OTP: variants seen among roughly 807,000 people sequenced by gnomAD.
OTP encodes the protein homeobox protein orthopedia.
OTP carries 5 observed loss-of-function variants against 22.3 expected under a neutral mutation model. The observed-to-expected ratio is 0.22, with a 90% CI of 0.12 to 0.47. The LOEUF is 0.47. OTP is among the 20% of genes least tolerant of loss of function. The pLI is 0.99. For missense variants in OTP, 428 were observed against 456.2 expected (o/e 0.94, Z 0.56); for synonymous variants, 229 against 210.6 (o/e 1.09, Z -0.76).
chr5:77,631,686 T>C lies in OTP; in HGVS notation c.448-892A>G, dbSNP rs552986597. Among the ~76,000 whole-genome samples the C allele has an allele frequency of 8.2e-4, 120 of 145,910 alleles. 1 individual carries two copies. The highest frequency in any genetic ancestry group is 1.4e-3 in the Non-Finnish European group (95 of 67,014). Reference sequence around the variant, plus strand: ...CTGAAGCAATTCTCCTGCCTCAGCCTCCCGAGTAGCTAGGATTACAGAAAC... The same window carrying C: ...CTGAAGCAATTCTCCTGCCTCAGCCCCCCGAGTAGCTAGGATTACAGAAAC... On this transcript the variant is annotated intron_variant, in intron 2 of 2. Coordinates refer to ENST00000306422, the MANE Select transcript of OTP (RefSeq NM_032109.3).
At position 77,630,588 on chromosome 5, in the gene OTP, T is replaced by C. The variant is rs779198369; in HGVS notation, c.654A>G (p.Ser218=). 20 of 1,561,802 alleles carry C rather than the reference T, an allele frequency of 1.3e-5. No individual in the cohort carries two copies. The African/African-American group carries it at 2.2e-4, about 17-fold the overall frequency. Reference sequence around the variant, plus strand: ...CCAGCGCCGGCGGCAGAGGCAGCTGTGACACGCCAGGCATGGCGGCCGCCG... The same window carrying C: ...CCAGCGCCGGCGGCAGAGGCAGCTGCGACACGCCAGGCATGGCGGCCGCCG... The part of the protein sequence containing the change: ...RWAAAAMPGV[S]QLPLPPALGR... Residue 218 remains serine, a synonymous_variant, in exon 3 of 3, where the codon TCA becomes TCG. Coordinates refer to ENST00000306422, the MANE Select transcript of OTP (RefSeq NM_032109.3).
At chr5:77,634,203 T>G (rs1032535469) in intron 2 of OTP, among the ~76,000 whole-genome samples, 2 of 152,274 alleles carry the variant, frequency 1.3e-5, no homozygotes, top group Admixed American at 1.3e-4. Context: ...CTAATGATTA[T>G]GCTTATTATA....
chr5:77,630,394 C>A lies in OTP; in HGVS notation c.848G>T (p.Gly283Val). The A allele has an allele frequency of 6.3e-7, 1 of 1,580,104 alleles. No individual in the cohort carries two copies. Among genetic ancestry groups the A allele is most frequent in the Admixed American group, 1.8e-5 (1 of 55,864 alleles). Residue 283 changes from glycine to valine, a missense_variant, in exon 3 of 3, where the codon GGC (glycine) becomes GTC (valine). Around this residue, in one of 3 missense-constraint regions of OTP, gnomAD observed 236 missense variants for 238.1 expected, o/e 0.99. Coordinates refer to ENST00000306422, the MANE Select transcript of OTP (RefSeq NM_032109.3). ...GGGCGAACCGGAGACGTTGCTGGGG[C>A]CGGGGAGGGAGGCGGGCACCATGCC... ...FPGMVPASLPGPSNVSGSPQL... is the reference protein window; with the variant it reads ...FPGMVPASLPVPSNVSGSPQL...
At chr5:77,630,822 A>G (rs767097602) in intron 2 of OTP, 28 bp from the exon 3 acceptor site, 56 of 1,508,972 alleles carry the variant, frequency 3.7e-5, no homozygotes, top group Non-Finnish European at 3.2e-5. Context: ...GGAGACAGAC[A>G]GGGAGCTATT....
At chr5:77,634,081 A>G (rs1414255257) in intron 2 of OTP, among the ~76,000 whole-genome samples, 2 of 152,222 alleles carry the variant, frequency 1.3e-5, no homozygotes, top group Non-Finnish European at 2.9e-5. Flanking sequence ...ACAGCACACT[A>G]TTTTTGTTCA....
At position 77,630,474 on chromosome 5, in the gene OTP, C is replaced by A. The variant is rs770718044; in HGVS notation, c.768G>T (p.Leu256=). Residue 256 remains leucine (L), a synonymous_variant, in exon 3 of 3, where the codon CTG becomes CTT. Transcript: ENST00000306422. Reference sequence around the variant, plus strand: ...GCAGCCCCGCGCCGTTGGAACCCGCCAGGCTGTTGGACAGGCCCATGGAGT... The same window carrying A: ...GCAGCCCCGCGCCGTTGGAACCCGCAAGGCTGTTGGACAGGCCCATGGAGT... ...PPNSMGLSNS[L]AGSNGAGLQS... The A allele has an allele frequency of 7.5e-6, 12 of 1,591,774 alleles. No individual in the cohort carries two copies. The highest frequency in any genetic ancestry group is 1.0e-5 in the Non-Finnish European group (12 of 1,170,970).
intron 2 of OTP, among the ~76,000 whole-genome samples, chr5:77,632,387 C>A (rs1307290325): frequency 6.6e-6 from 1 of 152,232 alleles, no homozygotes; most frequent in Admixed American, 6.5e-5. Flanking sequence ...AGGACAAGCC[C>A]AGGTACTGAG....
chr5:77,634,584 A>C (rs1004659233), intron 2 of OTP, among the ~76,000 whole-genome samples: 7 of 152,228 alleles, frequency 4.6e-5, no homozygotes, highest in African/African-American at 1.4e-4. Flanking sequence ...TCTGTTAACT[A>C]TAAAGAAAAC....
chr5:77,629,550 T>A lies in OTP; in HGVS notation c.*714A>T, dbSNP rs1382966548. The A allele has an allele frequency of 6.5e-6, 1 of 152,722 alleles. No homozygotes were observed. Among genetic ancestry groups the A allele is most frequent in the East Asian group, 1.9e-4 (1 of 5,176 alleles). 9.5% of individuals were successfully genotyped at this position (152,722 alleles called of 1,614,324 possible). A position where few individuals can be genotyped will look rare whatever the true frequency, so the allele number is the denominator to read the frequency against. On this transcript the variant is annotated 3_prime_UTR_variant, in exon 3 of 3. Transcript: ENST00000306422. ...AAATCATATCAGTTGGGCCCTCAGA[T>A]GAGGCGGTTGGTAGCAATGCTTGTC...
chr5:77,637,325 C>A (rs1462725381), intron 1 of OTP, 95 bp from the exon 2 acceptor site: 17 of 1,348,372 alleles, frequency 1.3e-5, no homozygotes, highest in Non-Finnish European at 1.7e-5. Flanking sequence ...GTCCTCGGCC[C>A]CCTCCGCACC....
rs1218850607 is a variant in OTP at position 77,630,262 on chromosome 5, C to T, written c.*2G>A. 2 of 1,522,184 alleles carry T rather than the reference C, an allele frequency of 1.3e-6. No individual in the cohort carries two copies. Among genetic ancestry groups the T allele is most frequent in the African/African-American group, 1.4e-5 (1 of 69,784 alleles). The allele number at this position is 1,522,184 out of a possible 1,614,324, so 94.3% of individuals were successfully genotyped here. A position where few individuals can be genotyped will look rare whatever the true frequency, so the allele number is the denominator to read the frequency against. ...GGCGGAGCGGGCCGGGGCGCGGCTG[C>T]ATTAAGTGAAGCTCATAGAGACTGT... On this transcript the variant is annotated 3_prime_UTR_variant, in exon 3 of 3. Transcript: ENST00000306422.
intron 2 of OTP, among the ~76,000 whole-genome samples, chr5:77,631,854 C>T (rs1005346042): frequency 3.3e-5 from 5 of 152,086 alleles, no homozygotes; most frequent in African/African-American, 1.2e-4. Flanking sequence ...TGAGCCACCG[C>T]GCCAAGCCAA....
chr5:77,634,935 T>C (rs139351283), intron 2 of OTP, among the ~76,000 whole-genome samples: 1 of 152,180 alleles, frequency 6.6e-6, no homozygotes, highest in Non-Finnish European at 1.5e-5. Flanking sequence ...GTGTACTTTT[T>C]GAAAATAACT....
At chr5:77,636,512 G>T (rs921482418) in intron 2 of OTP, 3 of 358,688 alleles carry the variant, frequency 8.4e-6, no homozygotes, top group Non-Finnish European at 1.5e-5. Context: ...GGGCCGCCCG[G>T]GGGGGCGCTG....
intron 1 of OTP, among the ~76,000 whole-genome samples, chr5:77,637,725 AC>A (rs1373459608): frequency 6.6e-6 from 1 of 152,034 alleles, no homozygotes; most frequent in African/African-American, 2.4e-5. Context: ...CCAAGCTTTC[AC>A]CCCCCGAAAT....
Position 77,637,046 on chromosome 5 carries a change from C to G in OTP, c.222G>C (p.Ala74=). ...TTVGSTPASL[A]VSAKDPDKQP... ...GCTTGTCCGGGTCTTTGGCGCTCAC[C>G]GCCAGCGAGGCCGGAGTAGAGCCCA... The change falls in exon 2 of 3, where the codon GCG becomes GCC. Residue 74 remains alanine (A), a synonymous_variant. Transcript: ENST00000306422. The G allele has an allele frequency of 1.2e-6, 2 of 1,612,956 alleles. No homozygotes were observed. Among genetic ancestry groups the G allele is most frequent in the Non-Finnish European group, 1.7e-6 (2 of 1,179,662 alleles).
chr5:77,630,511 C>G lies in OTP; in HGVS notation c.731G>C (p.Gly244Ala). 1 of 1,591,544 alleles carries G rather than the reference C, an allele frequency of 6.3e-7. No individual in the cohort carries two copies. The highest frequency in any genetic ancestry group is 2.3e-5 in the East Asian group (1 of 43,856). ...CAGGCCCATGGAGTTGGGCGGCGGA[C>G]CGGCCGCCAGGCTGCACTGGGACAG... Reference protein sequence around the residue: ...QSLSQCSLAAGPPPNSMGLSN... With the variant: ...QSLSQCSLAAAPPPNSMGLSN... Residue 244 changes from glycine to alanine, a missense_variant, in exon 3 of 3, where the codon GGT (glycine) becomes GCT (alanine). Physicochemically the swap from Gly to Ala is moderately conservative, Grantham distance 60 (BLOSUM62 0). Coordinates refer to ENST00000306422, the MANE Select transcript of OTP (RefSeq NM_032109.3).
chr5:77,629,657 C>G lies in OTP; in HGVS notation c.*607G>C. 1 of 152,982 alleles carries G rather than the reference C, an allele frequency of 6.5e-6. No individual in the cohort carries two copies. 9.5% of individuals were successfully genotyped at this position (152,982 alleles called of 1,614,324 possible). A position where few individuals can be genotyped will look rare whatever the true frequency, so the allele number is the denominator to read the frequency against. On this transcript the variant is annotated 3_prime_UTR_variant, in exon 3 of 3. Coordinates refer to ENST00000306422, the MANE Select transcript of OTP (RefSeq NM_032109.3). Reference sequence around the variant, plus strand: ...GACCTAGGTGCACCGTGTCTGTGCGCGCGCGTGTGTAGCGTCTGAGCGTGA... The same window carrying G: ...GACCTAGGTGCACCGTGTCTGTGCGGGCGCGTGTGTAGCGTCTGAGCGTGA...
chr5:77,637,004 G>C lies in OTP; in HGVS notation c.264C>G (p.Gly88=), dbSNP rs924987456. ...KDPDKQPGPQ[G]GPNPSQAGQQ... is the part of the protein sequence containing the mutation. ...GGCCGGCTTGGCTGGGGTTCGGGCC[G>C]CCCTGGGGCCCGGGCTGCTTGTCCG... Residue 88 remains glycine, a synonymous_variant, in exon 2 of 3, where the codon GGC becomes GGG. Transcript: ENST00000306422. 3 of 1,613,124 alleles carry C rather than the reference G, an allele frequency of 1.9e-6. No homozygotes were observed. The highest frequency in any genetic ancestry group is 2.7e-5 in the African/African-American group (2 of 74,922).
Sources: allele counts gnomAD v4.1 joint callset (sites outside exome capture counted in the v4.1 genomes callset), GRCh38; gene constraint gnomAD v4.1.1; regional missense constraint gnomAD v4.1.1; transcripts MANE v1.5; gene names NCBI Gene and HGNC (gene_info 2026-07-23, HGNC 2026-07-21).